The following PDZD2 variants were observed in gnomAD, a reference collection of about 807,000 sequenced individuals.
PDZD2 encodes the protein PDZ domain-containing protein 2.
A neutral mutation model predicts 220.7 loss-of-function variants in PDZD2; 90 were observed. That is an observed-to-expected ratio of 0.41 (90% CI 0.34 to 0.49). PDZD2 has a LOEUF of 0.49. PDZD2 is among the 20% of genes least tolerant of loss of function. The pLI is 0.28. For missense variants in PDZD2, 3,174 were observed against 3,608.5 expected (o/e 0.88, Z 3.08); for synonymous variants, 1,375 against 1,450.5 (o/e 0.95, Z 1.18).
intron 1 of PDZD2, among the ~76,000 whole-genome samples, chr5:31,684,379 A>T (rs982197723): frequency 6.6e-5 from 10 of 152,048 alleles, no homozygotes; most frequent in Admixed American, 2.0e-4. Context: ...TCCACTTCTA[A>T]GCCATCAGTA....
chr5:31,786,931 C>G (rs1239541611), intron 1 of PDZD2, among the ~76,000 whole-genome samples: 1 of 152,122 alleles, frequency 6.6e-6, no homozygotes, highest in Non-Finnish European at 1.5e-5. Context: ...CCAGAAGCAT[C>G]TAACAGCACA....
At chr5:31,887,280 A>G (rs1450239554) in intron 2 of PDZD2, among the ~76,000 whole-genome samples, 1 of 152,182 alleles carries the variant, frequency 6.6e-6, no homozygotes, top group Non-Finnish European at 1.5e-5. Flanking sequence ...ATCGATATGT[A>G]GTGTGAATGG....
intron 1 of PDZD2, among the ~76,000 whole-genome samples, chr5:31,671,045 C>G (rs1211436372): frequency 6.6e-6 from 1 of 152,018 alleles, no homozygotes; most frequent in Non-Finnish European, 1.5e-5. Flanking sequence ...AGAGCACCCC[C>G]AGGGAGAGAG....
intron 8 of PDZD2, among the ~76,000 whole-genome samples, chr5:32,050,093 G>A (rs1738379819): frequency 6.6e-6 from 1 of 152,114 alleles, no homozygotes; most frequent in Non-Finnish European, 1.5e-5. Flanking sequence ...ACCACACCCA[G>A]CTCATTTTTG....
chr5:31,978,495 G>A (rs1006936716), intron 2 of PDZD2, among the ~76,000 whole-genome samples: 5 of 152,072 alleles, frequency 3.3e-5, no homozygotes, highest in African/African-American at 7.2e-5. Flanking sequence ...CGAGGTGGGC[G>A]GATCACGAGG....
intron 13 of PDZD2, 24 bp from the exon 14 acceptor site, chr5:32,060,976 AGT>A (rs1739631533): frequency 6.2e-7 from 1 of 1,613,346 alleles, no homozygotes; most frequent in Admixed American, 1.7e-5. Flanking sequence ...GCTAACACAG[AGT>A]GTGGATTCTG....
intron 2 of PDZD2, among the ~76,000 whole-genome samples, chr5:31,972,679 T>C (rs554812781): frequency 2.6e-5 from 4 of 152,320 alleles, no homozygotes; most frequent in Non-Finnish European, 5.9e-5. Flanking sequence ...AATAGCATCA[T>C]GTCAAGAGGA....
At chr5:31,777,280 A>G (rs984089233) in intron 1 of PDZD2, among the ~76,000 whole-genome samples, 65 of 152,240 alleles carry the variant, frequency 4.3e-4, no homozygotes, top group African/African-American at 1.5e-3. Flanking sequence ...CAGGTCCCCC[A>G]GCACTGCTGG....
chr5:31,724,047 T>C (rs970794863), intron 1 of PDZD2, among the ~76,000 whole-genome samples: 9 of 152,146 alleles, frequency 5.9e-5, no homozygotes, highest in African/African-American at 1.9e-4. Flanking sequence ...TTTTACACAG[T>C]GCACACACAC....
chr5:32,085,064 C>T (rs980451198), intron 19 of PDZD2, among the ~76,000 whole-genome samples: 8 of 147,764 alleles, frequency 5.4e-5, no homozygotes, highest in Middle Eastern at 3.6e-3. Context: ...AAGCGAATCT[C>T]GTGCCTCAGC....
At chr5:31,830,775 C>T (rs1157270168) in intron 2 of PDZD2, among the ~76,000 whole-genome samples, 2 of 152,190 alleles carry the variant, frequency 1.3e-5, no homozygotes, top group African/African-American at 4.8e-5. Context: ...TGCACAGTGT[C>T]CAAACACTCT....
intron 5 of PDZD2, among the ~76,000 whole-genome samples, chr5:32,008,354 G>A (rs7711650): frequency 1.3e-5 from 2 of 148,302 alleles, no homozygotes; most frequent in African/African-American, 2.5e-5. Flanking sequence ...AGTCTCAGCT[G>A]ACTGCAACTT....
chr5:31,879,458 T>A (rs1035096708), intron 2 of PDZD2, among the ~76,000 whole-genome samples: 2 of 150,874 alleles, frequency 1.3e-5, no homozygotes, highest in African/African-American at 4.9e-5. Context: ...ACACACACTA[T>A]TTTTTTTTAG....
In PDZD2 at chr5:32,089,178, G is replaced by C; in HGVS notation, c.5730G>C (p.Gly1910=). The change falls in exon 20 of 25, where the codon GGG becomes GGC. Residue 1910 remains glycine, a synonymous_variant. Coordinates refer to ENST00000438447, the MANE Select transcript of PDZD2 (RefSeq NM_178140.4). ...APAANAVKAG[G]TDHRKPLISP... ...CTGCGAATGCTGTGAAGGCTGGGGG[G>C]ACGGACCACAGGAAACCCTTGATCT... The C allele has an allele frequency of 6.2e-7, 1 of 1,614,180 alleles. No homozygotes were observed. Among genetic ancestry groups the C allele is most frequent in the African/African-American group, 1.3e-5 (1 of 75,056 alleles).
chr5:31,654,170 CGTT>C (rs1399344458), intron 1 of PDZD2, among the ~76,000 whole-genome samples: 10 of 152,272 alleles, frequency 6.6e-5, no homozygotes, highest in East Asian at 1.9e-4. Context: ...CTGCTCCTAT[CGTT>C]GTTGTGAATG....
intron 1 of PDZD2, among the ~76,000 whole-genome samples, chr5:31,761,877 A>T (rs1751680336): frequency 7.0e-6 from 1 of 143,294 alleles, no homozygotes; most frequent in African/African-American, 2.5e-5. Context: ...AAAAAAAAAG[A>T]GGGTTAATTG....
intron 1 of PDZD2, among the ~76,000 whole-genome samples, chr5:31,664,604 G>A (rs552439482): frequency 1.3e-5 from 2 of 152,168 alleles, no homozygotes; most frequent in Non-Finnish European, 2.9e-5. Flanking sequence ...TGATTCATAC[G>A]ACGGCAGAGA....
intron 1 of PDZD2, among the ~76,000 whole-genome samples, chr5:31,657,657 TTAACA>T (rs746138966): frequency 2.0e-5 from 3 of 152,168 alleles, no homozygotes; most frequent in Non-Finnish European, 4.4e-5. Flanking sequence ...GGAGCCTGTT[TTAACA>T]GCAGCCTTTG....
At chr5:31,929,018 T>C (rs1317802844) in intron 2 of PDZD2, among the ~76,000 whole-genome samples, 1 of 152,166 alleles carries the variant, frequency 6.6e-6, no homozygotes, top group Non-Finnish European at 1.5e-5. Flanking sequence ...AACTTTTCAA[T>C]GAATATTGAT....
Sources: allele counts gnomAD v4.1 joint callset (sites outside exome capture counted in the v4.1 genomes callset), GRCh38; gene constraint gnomAD v4.1.1; transcripts MANE v1.5; gene names NCBI Gene and HGNC (gene_info 2026-07-23, HGNC 2026-07-21).